The following CADM1 variants were observed in gnomAD, a reference collection of about 807,000 sequenced individuals.
The protein encoded by CADM1 is TSLC-1.
Under a neutral mutation model 53.1 loss-of-function variants are expected in CADM1, and 15 were observed. The ratio of observed to expected loss-of-function variants is 0.28; its 90% confidence interval spans 0.19 to 0.44. The LOEUF (loss-of-function observed/expected upper bound fraction) is 0.44, where lower values mean the gene tolerates loss of function less well. Among genes scored for constraint, CADM1 ranks in the 20% least tolerant of loss-of-function variants. The pLI is 1.00. For missense variants in CADM1, 434 were observed against 611.3 expected (o/e 0.71, Z 3.06); for synonymous variants, 281 against 243.0 (o/e 1.16, Z -1.45).
At chr11:115,271,971 C>A (rs534039946) in intron 1 of CADM1, among the ~76,000 whole-genome samples, 1 of 152,180 alleles carries the variant, frequency 6.6e-6, no homozygotes, top group Non-Finnish European at 1.5e-5. Flanking sequence ...TCTTCCTAAT[C>A]ACTCTTACAC....
intron 9 of CADM1, among the ~76,000 whole-genome samples, chr11:115,196,595 T>TAAAAAAAAAAA (rs61694033): frequency 3.0e-4 from 23 of 76,834 alleles, no homozygotes; most frequent in Non-Finnish European, 3.2e-4. Flanking sequence ...GCTGATGAAC[T>TAAAAAAAAAAA]AAAAAAAAAA....
intron 8 of CADM1, among the ~76,000 whole-genome samples, chr11:115,202,918 T>C (rs1231444667): frequency 1.3e-5 from 2 of 151,812 alleles, no homozygotes; most frequent in Non-Finnish European, 2.9e-5. Flanking sequence ...TGCTGGAAAA[T>C]TAAACTCTGG....
intron 1 of CADM1, among the ~76,000 whole-genome samples, chr11:115,361,904 T>G (rs1237105365): frequency 6.6e-6 from 1 of 151,592 alleles, no homozygotes; most frequent in Admixed American, 6.6e-5. Context: ...TGTTTTGTTT[T>G]GTTTTGTTTT....
chr11:115,188,152 A>C (rs1001269621), intron 10 of CADM1, among the ~76,000 whole-genome samples: 2 of 152,212 alleles, frequency 1.3e-5, no homozygotes, highest in South Asian at 4.1e-4. Context: ...ACATTTTGAA[A>C]AAGTTTTAAA....
At chr11:115,263,476 GA>G (rs1439109164) in intron 1 of CADM1, among the ~76,000 whole-genome samples, 2 of 152,214 alleles carry the variant, frequency 1.3e-5, no homozygotes, top group Admixed American at 6.5e-5. Context: ...CTTGTCTGCA[GA>G]AATTACTTCA....
chr11:115,294,855 T>C (rs536226728), intron 1 of CADM1, among the ~76,000 whole-genome samples: 13 of 152,104 alleles, frequency 8.5e-5, no homozygotes, highest in African/African-American at 2.9e-4. Flanking sequence ...GCCAACATGG[T>C]GAAACTCCGT....
intron 3 of CADM1, among the ~76,000 whole-genome samples, chr11:115,236,983 T>C (rs1010697277): frequency 6.6e-6 from 1 of 152,174 alleles, no homozygotes; most frequent in Non-Finnish European, 1.5e-5. Context: ...ACTCTGAAAA[T>C]TCAAAATGCC....
rs1938903059 is a variant in CADM1 at position 115,174,093 on chromosome 11, C to T, written c.*2381G>A. On this transcript the variant is annotated 3_prime_UTR_variant, in exon 12 of 12. Coordinates refer to ENST00000331581, the MANE Select transcript of CADM1 (RefSeq NM_001301043.2). ...TATTTTTTCCAATGTGTGGGGCCTA[C>T]ACTTTGCAATCTACCTGAGACGGAA... The T allele has an allele frequency of 1.0e-6, 1 of 984,324 alleles. No homozygotes were observed. Among genetic ancestry groups the T allele is most frequent in the Non-Finnish European group, 1.2e-6 (1 of 829,074 alleles). The allele number at this position is 984,324 out of a possible 1,614,324, so 61.0% of individuals were successfully genotyped here.
chr11:115,320,222 A>G (rs370743497), intron 1 of CADM1, among the ~76,000 whole-genome samples: 3 of 151,966 alleles, frequency 2.0e-5, no homozygotes, highest in East Asian at 3.9e-4. Flanking sequence ...ATGGCTGACT[A>G]ATTTCCTTAA....
intron 1 of CADM1, among the ~76,000 whole-genome samples, chr11:115,387,467 G>A (rs914322199): frequency 6.6e-6 from 1 of 152,154 alleles, no homozygotes; most frequent in East Asian, 1.9e-4. Flanking sequence ...GAAGAGAGGT[G>A]AGAAAAAGAA....
chr11:115,218,021 T>C lies in CADM1; in HGVS notation c.722-30A>G, dbSNP rs375985020. On this transcript the variant is annotated intron_variant, in intron 5 of 11. Transcript: ENST00000331581. The stretch of plus-strand genomic sequence containing the variant: ...GTGACAAAAACACAAAGTATAATGT[T>C]TAGCAAATGATATCATCAGGCAAAA... 41 of 1,525,816 alleles carry C rather than the reference T, an allele frequency of 2.7e-5. No individual in the cohort carries two copies. In the African/African-American group the frequency reaches 3.1e-4, roughly 12 times the overall value. The allele number at this position is 1,525,816 out of a possible 1,614,324, so 94.5% of individuals were successfully genotyped here.
chr11:115,463,283 C>A (rs554052191), intron 1 of CADM1, among the ~76,000 whole-genome samples: 6 of 152,268 alleles, frequency 3.9e-5, no homozygotes, highest in Admixed American at 3.3e-4. Context: ...ACAATTCTAT[C>A]CCCACCTCAG....
intron 1 of CADM1, among the ~76,000 whole-genome samples, chr11:115,327,595 T>A (rs544885227): frequency 6.6e-6 from 1 of 152,210 alleles, no homozygotes; most frequent in East Asian, 1.9e-4. Context: ...TGGGTTATTC[T>A]GTCAAACCTC....
chr11:115,239,325 G>C (rs923590922), intron 2 of CADM1, among the ~76,000 whole-genome samples: 1 of 152,122 alleles, frequency 6.6e-6, no homozygotes, highest in Non-Finnish European at 1.5e-5. Context: ...GGATGACCTC[G>C]AGCCTACGGA....
intron 1 of CADM1, among the ~76,000 whole-genome samples, chr11:115,494,857 T>C (rs1274896585): frequency 6.6e-6 from 1 of 152,212 alleles, no homozygotes; most frequent in East Asian, 1.9e-4. Context: ...AGTAAGCAGT[T>C]TGATTAAAGC....
chr11:115,417,685 C>A (rs772009945), intron 1 of CADM1, among the ~76,000 whole-genome samples: 4 of 152,132 alleles, frequency 2.6e-5, no homozygotes, highest in Non-Finnish European at 5.9e-5. Flanking sequence ...CCCAGTGGGA[C>A]AGAGTGGGAT....
intron 9 of CADM1, among the ~76,000 whole-genome samples, chr11:115,191,987 C>T (rs1418129417): frequency 6.6e-6 from 1 of 152,212 alleles, no homozygotes; most frequent in Non-Finnish European, 1.5e-5. Flanking sequence ...CCTTCTGCTA[C>T]AGCCAACCCA....
In CADM1 at chr11:115,450,484, C is replaced by T. The variant is rs559562226; in HGVS notation, c.124+53787G>A. Among the ~76,000 whole-genome samples the T allele has an allele frequency of 3.9e-5, 6 of 152,270 alleles. No individual in the cohort carries two copies. In the South Asian group the frequency reaches 6.2e-4, roughly 16 times the overall value. ...TGATGTGATCTTTCCAGTTATTGAACGTTTCATTGAATTTTACACTATACA... is the reference window on the plus strand; with the variant it reads ...TGATGTGATCTTTCCAGTTATTGAATGTTTCATTGAATTTTACACTATACA... On this transcript the variant is annotated intron_variant, in intron 1 of 11. Coordinates refer to ENST00000331581, the MANE Select transcript of CADM1 (RefSeq NM_001301043.2).
chr11:115,272,757 G>A (rs2135052367), intron 1 of CADM1, among the ~76,000 whole-genome samples: 1 of 122,168 alleles, frequency 8.2e-6, no homozygotes, highest in South Asian at 3.2e-4. Flanking sequence ...TGTGGGGTGG[G>A]GGGAGGGGGG....
Sources: gnomAD v4.1 joint callset for allele counts (sites outside exome capture counted in the v4.1 genomes callset) on GRCh38, gnomAD v4.1.1 for gene constraint, MANE v1.5 for transcripts, NCBI Gene and HGNC (gene_info 2026-07-23, HGNC 2026-07-21) for gene names.